SMOC1: variants seen among roughly 807,000 people sequenced by gnomAD.
SMOC1 encodes the protein SPARC related modular calcium binding 1.
SMOC1 carries 22 observed loss-of-function variants against 56.3 expected under a neutral mutation model. The ratio of observed to expected loss-of-function variants is 0.39; its 90% CI spans 0.28 to 0.56. The LOEUF is 0.56. SMOC1 is among the 20% of genes least tolerant of loss of function. The probability of loss-of-function intolerance (pLI) is 0.61; values close to 1 mark genes in which losing one functional copy is unlikely to be tolerated. For missense variants in SMOC1, 509 were observed against 565.4 expected, an observed-to-expected ratio of 0.90 and a Z score of 1.01; for synonymous variants, 193 against 215.0, an observed-to-expected ratio of 0.90 and a Z score of 0.89.
chr14:69,981,478 T>C (rs2139516347), intron 5 of SMOC1, among the ~76,000 whole-genome samples: 1 of 152,246 alleles, frequency 6.6e-6, no homozygotes, highest in Middle Eastern at 3.4e-3. Context: ...GGCTGCCCCC[T>C]CCCCTTCTTC....
At chr14:70,013,996 G>A (rs2139594264) in intron 10 of SMOC1, among the ~76,000 whole-genome samples, 1 of 152,340 alleles carries the variant, frequency 6.6e-6, no homozygotes, top group Middle Eastern at 3.4e-3. Context: ...CAGGAATTGA[G>A]GTGGTAGCTG....
At chr14:69,883,050 T>C (rs1883687514) in intron 1 of SMOC1, among the ~76,000 whole-genome samples, 1 of 152,230 alleles carries the variant, frequency 6.6e-6, no homozygotes, top group Non-Finnish European at 1.5e-5. Flanking sequence ...GTGCACAATA[T>C]GATGTTTTGA....
chr14:70,014,557 G>T (rs1470281560), intron 10 of SMOC1, among the ~76,000 whole-genome samples: 1 of 152,176 alleles, frequency 6.6e-6, no homozygotes, highest in South Asian at 2.1e-4. Flanking sequence ...AGTGGTAATC[G>T]TGAGATGGAA....
chr14:69,997,220 C>T (rs1262381605), intron 7 of SMOC1, among the ~76,000 whole-genome samples: 5 of 152,216 alleles, frequency 3.3e-5, no homozygotes, highest in Admixed American at 2.6e-4. Context: ...GGTAAGCCTG[C>T]ATCAGCACAG....
chr14:69,925,928 C>T (rs1446212211), intron 1 of SMOC1, among the ~76,000 whole-genome samples: 1 of 152,176 alleles, frequency 6.6e-6, no homozygotes, highest in African/African-American at 2.4e-5. Context: ...GAAGACTGCG[C>T]ACACCCTGGA....
intron 1 of SMOC1, among the ~76,000 whole-genome samples, chr14:69,911,502 G>A (rs1469183883): frequency 6.6e-6 from 1 of 152,146 alleles, no homozygotes; most frequent in Non-Finnish European, 1.5e-5. Context: ...TCTCTTGTTT[G>A]CTCCTTTTCA....
intron 1 of SMOC1, among the ~76,000 whole-genome samples, chr14:69,914,577 G>GAAAC (rs35586375): frequency 0.32 from 47,738 of 151,164 alleles, 7,690 homozygotes; most frequent in African/African-American, 0.37. Context: ...CAGTAGGAAG[G>GAAAC]AAACAAACAA....
chr14:69,964,535 G>A (rs552085014), intron 3 of SMOC1, among the ~76,000 whole-genome samples: 37 of 151,932 alleles, frequency 2.4e-4, no homozygotes, highest in Admixed American at 9.8e-4. Context: ...CCACCACCAC[G>A]CCCGGCTAAT....
chr14:70,012,238 G>T (rs1885366958), intron 9 of SMOC1, among the ~76,000 whole-genome samples: 2 of 152,134 alleles, frequency 1.3e-5, no homozygotes, highest in African/African-American at 2.4e-5. Context: ...TAAGAGTCAG[G>T]GATTTTCCAC....
intron 1 of SMOC1, among the ~76,000 whole-genome samples, chr14:69,910,556 C>T (rs777449956): frequency 1.3e-5 from 2 of 151,996 alleles, no homozygotes; most frequent in Non-Finnish European, 2.9e-5. Context: ...TATTTCATGC[C>T]AGAGAATGTG....
chr14:69,945,589 A>C (rs1224134138), intron 1 of SMOC1, among the ~76,000 whole-genome samples: 2 of 152,228 alleles, frequency 1.3e-5, no homozygotes, highest in Non-Finnish European at 2.9e-5. Flanking sequence ...AGCCCAGCCA[A>C]CCCACATAAT....
chr14:69,975,820 G>T lies in SMOC1; in HGVS notation c.478+6G>T, dbSNP rs529021644. 6.2e-7 allele frequency: 1 copy of T among 1,601,124 alleles called. No homozygotes were observed. The highest frequency in any genetic ancestry group is 1.1e-5 in the South Asian group (1 of 90,726). ...TAAAACTCCTGTATGTTCAGGTACC[G>T]TAGGGAGGGGCGGGAAGAATGAAAA... is the stretch of plus-strand genomic sequence containing the variant. On this transcript the variant is annotated splice_donor_region_variant and intron_variant, in intron 4 of 11. Coordinates refer to ENST00000361956, the MANE Select transcript of SMOC1 (RefSeq NM_001034852.3).
intron 1 of SMOC1, chr14:69,885,432 A>G: frequency 6.2e-7 from 1 of 1,601,478 alleles, no homozygotes; most frequent in Non-Finnish European, 8.5e-7. Flanking sequence ...TTGCCACCCC[A>G]GTGACGGCGG....
chr14:69,963,664 C>A (rs1389068203), intron 3 of SMOC1, among the ~76,000 whole-genome samples: 1 of 152,104 alleles, frequency 6.6e-6, no homozygotes, highest in African/African-American at 2.4e-5. Context: ...TGAGCAGCAG[C>A]CAGTAGCCAG....
At chr14:70,028,771 G>T (rs1175044082) in intron 11 of SMOC1, among the ~76,000 whole-genome samples, 1 of 152,208 alleles carries the variant, frequency 6.6e-6, no homozygotes, top group Non-Finnish European at 1.5e-5. Context: ...CTGCCTTGGG[G>T]CTGTCACCTT....
At chr14:70,010,691 C>G in intron 7 of SMOC1, 63 bp from the exon 8 acceptor site, 1 of 1,571,070 alleles carries the variant, frequency 6.4e-7, no homozygotes, top group Non-Finnish European at 8.8e-7. Context: ...ATGCTGGGCA[C>G]AGAAGACAGG....
chr14:69,889,681 A>C (rs918602245), intron 1 of SMOC1, among the ~76,000 whole-genome samples: 1 of 152,210 alleles, frequency 6.6e-6, no homozygotes, highest in African/African-American at 2.4e-5. Context: ...AAACAACACA[A>C]ATTTCTACAG....
intron 5 of SMOC1, among the ~76,000 whole-genome samples, chr14:69,989,071 G>T (rs1380020482): frequency 6.6e-6 from 1 of 152,094 alleles, no homozygotes; most frequent in African/African-American, 2.4e-5. Flanking sequence ...GTGGAATTTT[G>T]GGGTTAAAAG....
intron 3 of SMOC1, among the ~76,000 whole-genome samples, chr14:69,968,800 A>C (rs1264341132): frequency 6.6e-6 from 1 of 152,218 alleles, no homozygotes; most frequent in East Asian, 1.9e-4. Context: ...TCCTTTCATT[A>C]CATGTTTTGT....
Sources: allele counts gnomAD v4.1 joint callset (sites outside exome capture counted in the v4.1 genomes callset), GRCh38; gene constraint gnomAD v4.1.1; transcripts MANE v1.5; gene names NCBI Gene and HGNC (gene_info 2026-07-23, HGNC 2026-07-21).